Variants in ADAMTS20 observed in about 807,000 individuals in gnomAD.
ADAMTS20 encodes ADAM metallopeptidase with thrombospondin type 1 motif 20, also known as A disintegrin and metalloproteinase with thrombospondin motifs 20.
A neutral mutation model predicts 260.1 loss-of-function variants in ADAMTS20; 225 were observed. The ratio of observed to expected loss-of-function variants is 0.87; its 90% CI spans 0.78 to 0.97. ADAMTS20 has a LOEUF of 0.97. Ranked by LOEUF, ADAMTS20 falls within the 50% of genes least tolerant of loss-of-function variation. The pLI, the probability that ADAMTS20 is intolerant of heterozygous loss-of-function variation, is 0.00. For missense variants in ADAMTS20, 2,400 were observed against 2,337.7 expected, an observed-to-expected ratio of 1.03 and a Z score of -0.55; for synonymous variants, 802 against 769.5, an observed-to-expected ratio of 1.04 and a Z score of -0.70.
chr12:43,460,281 C>T (rs1466439673), intron 11 of ADAMTS20, among the ~76,000 whole-genome samples: 1 of 152,130 alleles, frequency 6.6e-6, no homozygotes, highest in Non-Finnish European at 1.5e-5. Flanking sequence ...AAATCCATGC[C>T]TATCCTACCA....
Position 43,491,559 on chromosome 12 carries a change from T to C in ADAMTS20, c.1076+946A>G, listed in dbSNP as rs374630184. ...AATATCAAACCTAGGATTTATATAT[T>C]CTGGTAGTATCACTGTTGCTGAAAG... On this transcript the variant is annotated intron_variant, in intron 6 of 38. Coordinates refer to ENST00000389420, the MANE Select transcript of ADAMTS20 (RefSeq NM_025003.5). 8.4e-4 allele frequency among the ~76,000 whole-genome samples: 128 copies of C among 152,288 alleles called. 1 individual carries two copies. In the South Asian group the frequency reaches 0.013, roughly 16 times the overall value.
intron 8 of ADAMTS20, among the ~76,000 whole-genome samples, chr12:43,467,067 A>G (rs1942167947): frequency 6.6e-6 from 1 of 152,040 alleles, no homozygotes; most frequent in Non-Finnish European, 1.5e-5. Context: ...TATGGACCAC[A>G]GCATTGACAT....
In ADAMTS20 at chr12:43,439,948, T is replaced by G; in HGVS notation, c.2412A>C (p.Ala804=). 2 of 1,604,290 alleles carry G rather than the reference T, an allele frequency of 1.2e-6. No individual in the cohort carries two copies. Among genetic ancestry groups the G allele is most frequent in the African/African-American group, 2.7e-5 (2 of 74,978 alleles). ...TVIEYSGSNN[A]VERINSTNRQ... is the part of the protein sequence containing the mutation. ...GATTAGTACTATTAATTCTTTCAAC[T>G]GCGTTATTTGATCCACTGTATTCAA... Residue 804 remains alanine, a synonymous_variant, in exon 17 of 39, where the codon GCA becomes GCC. Transcript: ENST00000389420.
At chr12:43,366,914 G>A (rs1787995915) in intron 37 of ADAMTS20, among the ~76,000 whole-genome samples, 1 of 151,844 alleles carries the variant, frequency 6.6e-6, no homozygotes, top group African/African-American at 2.4e-5. Flanking sequence ...AGGATTGTAA[G>A]GGAATACTAT....
chr12:43,528,347 G>GAAAAAAAAAAAA (rs1565583137), intron 3 of ADAMTS20, among the ~76,000 whole-genome samples: 53 of 2,304 alleles, frequency 0.023, 2 homozygotes, highest in African/African-American at 0.039. Context: ...GCAATCCTAA[G>GAAAAAAAAAAAA]CAAAAAAAAA....
chr12:43,551,982 C>T lies in ADAMTS20; in HGVS notation c.-61G>A. ...CCAGAGCCGCCGGCAGCCAAGCCGG[C>T]TTCCCTCGCGCTCCGATCCCTCTCC... On this transcript the variant is annotated 5_prime_UTR_variant, in exon 1 of 39. Transcript: ENST00000389420. The surrounding 1 kb of genome is among the most constrained non-coding windows in gnomAD (Gnocchi z 4.6). The T allele has an allele frequency of 6.9e-7, 1 of 1,449,284 alleles. No individual in the cohort carries two copies. Among genetic ancestry groups the T allele is most frequent in the Admixed American group, 1.7e-5 (1 of 59,300 alleles). 89.8% of individuals were successfully genotyped at this position (1,449,284 alleles called of 1,614,324 possible).
At chr12:43,437,534 A>T (rs1281324677) in intron 18 of ADAMTS20, among the ~76,000 whole-genome samples, 1 of 152,204 alleles carries the variant, frequency 6.6e-6, no homozygotes, top group African/African-American at 2.4e-5. Context: ...TACAAGCATG[A>T]CAAGCATGAA....
chr12:43,443,652 G>A (rs2137332819), intron 16 of ADAMTS20, 139 bp downstream of exon 16: 1 of 590,132 alleles, frequency 1.7e-6, no homozygotes, highest in Non-Finnish European at 3.0e-6. Context: ...ATATGTATAG[G>A]GAGCGCTAAG....
At chr12:43,427,180 A>C in intron 27 of ADAMTS20, 128 bp downstream of exon 27, 1 of 1,140,704 alleles carries the variant, frequency 8.8e-7, no homozygotes, top group Non-Finnish European at 1.2e-6. Flanking sequence ...CTCCAAAAAC[A>C]AAAAAAACAA....
chr12:43,369,263 A>G (rs1940053892), intron 37 of ADAMTS20, 27 bp downstream of exon 37: 3 of 1,387,784 alleles, frequency 2.2e-6, no homozygotes, highest in Non-Finnish European at 2.9e-6. Context: ...ACAAAGAAAG[A>G]AAATTAATCA....
chr12:43,356,767 G>A (rs1456489772), intron 37 of ADAMTS20, among the ~76,000 whole-genome samples, 179 bp from the exon 38 acceptor site: 2 of 152,196 alleles, frequency 1.3e-5, no homozygotes, highest in Non-Finnish European at 2.9e-5. Context: ...TGGTCCTGTA[G>A]AAATTAGCAA....
intron 8 of ADAMTS20, 58 bp downstream of exon 8, chr12:43,468,542 G>A (rs1190970389): frequency 9.6e-6 from 10 of 1,045,770 alleles, no homozygotes; most frequent in Non-Finnish European, 1.5e-6. Flanking sequence ...TAGAATTTCA[G>A]GCATTCTGTG....
chr12:43,503,746 T>A (rs933945035), intron 3 of ADAMTS20, among the ~76,000 whole-genome samples: 2 of 152,028 alleles, frequency 1.3e-5, no homozygotes, highest in African/African-American at 4.8e-5. Flanking sequence ...TAGGCCCAGG[T>A]GTCTTTTACT....
Position 43,492,509 on chromosome 12 carries a change from T to C in ADAMTS20, c.1072A>G (p.Thr358Ala). The change falls in exon 6 of 39, where the codon ACT (threonine) becomes GCT (alanine). Residue 358 changes from threonine to alanine, a missense_variant. Physicochemically the swap from Thr to Ala is moderately conservative, Grantham distance 58. Transcript: ENST00000389420. Reference protein sequence around the residue: ...PSHHDTAVLITREDICSSKEK... With the variant: ...PSHHDTAVLIAREDICSSKEK... ...GGGTTATTTCTATAATCATACCTAG[T>C]GATAAGAACAGCAGTGTCATGGTGG... The C allele has an allele frequency of 6.2e-7, 1 of 1,613,780 alleles. No homozygotes were observed. Among genetic ancestry groups the C allele is most frequent in the Non-Finnish European group, 8.5e-7 (1 of 1,179,766 alleles).
intron 28 of ADAMTS20, among the ~76,000 whole-genome samples, chr12:43,416,275 C>G (rs1380018820): frequency 6.6e-6 from 1 of 151,936 alleles, no homozygotes; most frequent in Non-Finnish European, 1.5e-5. Context: ...TAGTCTGTCA[C>G]TTTTCAGTTT....
chr12:43,490,577 A>G (rs189849484), intron 6 of ADAMTS20, 142 bp from the exon 7 acceptor site: 60 of 462,834 alleles, frequency 1.3e-4, no homozygotes, highest in Non-Finnish European at 2.1e-4. Flanking sequence ...ACCTCTCAAA[A>G]AGTCTAAACC....
intron 18 of ADAMTS20, among the ~76,000 whole-genome samples, chr12:43,436,337 A>G (rs1941554460): frequency 6.6e-6 from 1 of 152,206 alleles, no homozygotes; most frequent in Admixed American, 6.5e-5. Context: ...TTTTAAAAGA[A>G]TGGTTAGACC....
intron 2 of ADAMTS20, among the ~76,000 whole-genome samples, chr12:43,535,739 T>G (rs1391926790): frequency 2.0e-5 from 3 of 152,206 alleles, no homozygotes; most frequent in African/African-American, 7.2e-5. Context: ...TGCTTTATTT[T>G]GTATTTTTAT....
Position 43,532,198 on chromosome 12 carries a change from G to T in ADAMTS20, c.454-3C>A. On this transcript the variant is annotated splice_region_variant and splice_polypyrimidine_tract_variant and intron_variant, in intron 2 of 38. Coordinates refer to ENST00000389420, the MANE Select transcript of ADAMTS20 (RefSeq NM_025003.5). ...TTCTGTCCTTTAAATGTTCCCGTCTGAAAATAAAGGAAACAAAAATGAATT... is the reference window on the plus strand; with the variant it reads ...TTCTGTCCTTTAAATGTTCCCGTCTTAAAATAAAGGAAACAAAAATGAATT... The T allele has an allele frequency of 6.3e-7, 1 of 1,584,108 alleles. No homozygotes were observed.
Sources: allele counts gnomAD v4.1 joint callset (sites outside exome capture counted in the v4.1 genomes callset), GRCh38; gene constraint gnomAD v4.1.1; non-coding constraint Gnocchi (gnomAD v3.1); transcripts MANE v1.5; gene names NCBI Gene and HGNC (gene_info 2026-07-23, HGNC 2026-07-21).